GABPB1: variants seen among roughly 807,000 people sequenced by gnomAD.
GABPB1 encodes GA binding protein transcription factor subunit beta 1.
Under a neutral mutation model 45.9 loss-of-function variants are expected in GABPB1, and 15 were observed. That is an observed-to-expected ratio of 0.33 (90% confidence interval 0.22 to 0.50). The LOEUF (loss-of-function observed/expected upper bound fraction) is 0.50, where lower values mean the gene tolerates loss of function less well. Ranked by LOEUF, GABPB1 falls within the 20% of genes least tolerant of loss-of-function variation. GABPB1 has a pLI of 0.98. For synonymous variants in GABPB1, 143 were observed against 154.4 expected (o/e 0.93, Z 0.55); for missense variants, 252 against 457.5 (o/e 0.55, Z 4.10).
chr15:50,333,586 C>T (rs1330488534), intron 1 of GABPB1, among the ~76,000 whole-genome samples: 11 of 152,116 alleles, frequency 7.2e-5, no homozygotes, highest in Non-Finnish European at 1.6e-4. Context: ...GTGAGATGTT[C>T]GTGACAAGTT....
At chr15:50,304,665 CG>C (rs1477618977) in intron 2 of GABPB1, among the ~76,000 whole-genome samples, 16 of 150,338 alleles carry the variant, frequency 1.1e-4, no homozygotes, top group African/African-American at 3.9e-4. Flanking sequence ...GAGCCGAGAT[CG>C]CGCCACTGCA....
intron 4 of GABPB1, among the ~76,000 whole-genome samples, chr15:50,302,366 G>C (rs544035020): frequency 6.1e-4 from 93 of 152,252 alleles, no homozygotes; most frequent in African/African-American, 2.2e-3. Context: ...TCTAGGGCCA[G>C]GCGCAGTGGC....
chr15:50,309,866 T>A, intron 1 of GABPB1, 68 bp from the exon 2 acceptor site: 1 of 913,748 alleles, frequency 1.1e-6, no homozygotes, highest in Non-Finnish European at 1.8e-6. Context: ...ACATTTTCCC[T>A]TCCTGTCTTT....
intron 1 of GABPB1, among the ~76,000 whole-genome samples, chr15:50,320,953 C>T (rs989486162): frequency 6.6e-6 from 1 of 152,002 alleles, no homozygotes; most frequent in South Asian, 2.1e-4. Flanking sequence ...ACAGTCCTGC[C>T]GAAATCCTAA....
chr15:50,292,201 C>T (rs1248399992), intron 6 of GABPB1, among the ~76,000 whole-genome samples: 1 of 150,102 alleles, frequency 6.7e-6, no homozygotes, highest in Non-Finnish European at 1.5e-5. Flanking sequence ...CTAGTCCCAG[C>T]TACTCGGGAG....
intron 1 of GABPB1, among the ~76,000 whole-genome samples, chr15:50,311,610 T>TA (rs1309204231): frequency 6.7e-6 from 1 of 150,200 alleles, no homozygotes; most frequent in South Asian, 2.1e-4. Flanking sequence ...CAGTAAGTAT[T>TA]AATGCAAATA....
At chr15:50,288,120 T>C (rs949633679) in intron 7 of GABPB1, among the ~76,000 whole-genome samples, 1 of 152,214 alleles carries the variant, frequency 6.6e-6, no homozygotes, top group Non-Finnish European at 1.5e-5. Context: ...GGTGCAATCA[T>C]AGTTCACTGC....
chr15:50,323,624 C>T lies in GABPB1; in HGVS notation c.1-13826G>A, dbSNP rs546947066. On this transcript the variant is annotated intron_variant, in intron 1 of 8. Transcript: ENST00000380877. ...CAGTTGCTTCCAGTATTTGGGGAGG[C>T]TGAGGCAGGAGCATCCCTTGAGCCC... Among the ~76,000 whole-genome samples the T allele has an allele frequency of 2.6e-5, 4 of 152,306 alleles. No individual in the cohort carries two copies. The East Asian group carries it at 7.7e-4, about 29-fold the overall frequency.
rs904789728 is a variant in GABPB1, at chr15:50,276,953, T to G, written c.*1679A>C. 6.6e-6 allele frequency: 1 copy of G among 152,236 alleles called. No homozygotes were observed. The highest frequency in any genetic ancestry group is 1.5e-5 in the Non-Finnish European group (1 of 68,022). The allele number at this position is 152,236 out of a possible 1,614,324, so 9.4% of individuals were successfully genotyped here. A position where few individuals can be genotyped will look rare whatever the true frequency, so the allele number is the denominator to read the frequency against. On this transcript the variant is annotated 3_prime_UTR_variant, in exon 9 of 9. Transcript: ENST00000380877. ...ATCACTTAAAATATGTCAAATTTAG[T>G]GGAAAATTGAAAAAGATCTTTTTCC...
chr15:50,339,655 A>C (rs1185276081), intron 1 of GABPB1, among the ~76,000 whole-genome samples: 5 of 151,822 alleles, frequency 3.3e-5, no homozygotes, highest in Non-Finnish European at 5.9e-5. Flanking sequence ...AATTAGTCAT[A>C]ATTTTCTAAA....
chr15:50,301,221 CT>C, intron 5 of GABPB1, 35 bp downstream of exon 5: 1 of 1,613,000 alleles, frequency 6.2e-7, no homozygotes, highest in Non-Finnish European at 8.5e-7. Flanking sequence ...ATCTCAATAC[CT>C]GTTGCCTTGG....
chr15:50,318,848 G>C (rs1041375046), intron 1 of GABPB1, among the ~76,000 whole-genome samples: 1 of 152,126 alleles, frequency 6.6e-6, no homozygotes, highest in African/African-American at 2.4e-5. Flanking sequence ...TACCATAAAG[G>C]TATACATGTC....
At chr15:50,344,869 C>G (rs1373736755) in intron 1 of GABPB1, among the ~76,000 whole-genome samples, 4 of 151,904 alleles carry the variant, frequency 2.6e-5, no homozygotes, top group Non-Finnish European at 5.9e-5. Context: ...ATAAATAAAG[C>G]AAAAGTATGC....
chr15:50,354,484 C>T, intron 1 of GABPB1: 1 of 448,922 alleles, frequency 2.2e-6, no homozygotes, highest in Non-Finnish European at 4.5e-6. Flanking sequence ...TTCCCCTCTC[C>T]GGAGAGCCCG....
intron 1 of GABPB1, among the ~76,000 whole-genome samples, chr15:50,327,921 T>G (rs1012997205): frequency 2.0e-5 from 3 of 151,716 alleles, no homozygotes; most frequent in Non-Finnish European, 4.4e-5. Flanking sequence ...AAGATGCGCC[T>G]ACTCTTTGAC....
chr15:50,351,688 GGAGA>G (rs1157386448), intron 1 of GABPB1: 3 of 139,474 alleles, frequency 2.2e-5, no homozygotes, highest in African/African-American at 8.0e-5. Flanking sequence ...AGGGAGGGAG[GGAGA>G]CAGAAAGGTG....
chr15:50,317,718 G>T (rs2047393883), intron 1 of GABPB1, among the ~76,000 whole-genome samples: 1 of 151,992 alleles, frequency 6.6e-6, no homozygotes. Context: ...CACCATCCTG[G>T]CTAACATGGT....
chr15:50,282,425 G>T, intron 8 of GABPB1: 1 of 370,984 alleles, frequency 2.7e-6, no homozygotes, highest in Non-Finnish European at 5.2e-6. Context: ...AACTTAGCCG[G>T]GTATAGCGGT....
At chr15:50,283,131 C>A (rs1018838670) in intron 8 of GABPB1, among the ~76,000 whole-genome samples, 7 of 152,258 alleles carry the variant, frequency 4.6e-5, no homozygotes, top group African/African-American at 1.7e-4. Context: ...TTCCTGAAGT[C>A]ACACAATAAA....
Sources: allele counts gnomAD v4.1 joint callset (sites outside exome capture counted in the v4.1 genomes callset), GRCh38; gene constraint gnomAD v4.1.1; transcripts MANE v1.5; gene names NCBI Gene and HGNC (gene_info 2026-07-23, HGNC 2026-07-21).